GREB1: variants seen among roughly 807,000 people sequenced by gnomAD.
GREB1 encodes protein GREB1.
A neutral mutation model predicts 200.7 loss-of-function variants in GREB1; 106 were observed. The observed-to-expected ratio is 0.53, with a 90% CI of 0.45 to 0.62. The LOEUF is 0.62. Among genes scored for constraint, GREB1 ranks in the 20% least tolerant of loss-of-function variants. The probability of loss-of-function intolerance (pLI) is 0.00; values close to 1 mark genes in which losing one functional copy is unlikely to be tolerated. For synonymous variants in GREB1, 1,132 were observed against 1,092.4 expected, an observed-to-expected ratio of 1.04 and a Z score of -0.72; for missense variants, 2,243 against 2,556.8, an observed-to-expected ratio of 0.88 and a Z score of 2.65.
chr2:11,620,721 G>A (rs1186688380), intron 22 of GREB1, among the ~76,000 whole-genome samples, 184 bp from the exon 23 acceptor site: 1 of 152,190 alleles, frequency 6.6e-6, no homozygotes, highest in Non-Finnish European at 1.5e-5. Flanking sequence ...TATGCTCGTG[G>A]GAGTCCATTT....
chr2:11,512,544 C>T lies in GREB1; in HGVS notation c.-159+30163C>T, dbSNP rs553158295. On this transcript the variant is annotated intron_variant, in intron 1 of 2. Coordinates refer to the GREB1 transcript ENST00000628795. ...TTCCTAAAGCTTTAGAAAAAAATGA[C>T]TTGTGTGTGTTTAGACCAAGGATTG... Among the ~76,000 whole-genome samples the T allele has an allele frequency of 1.8e-3, 269 of 152,270 alleles. 2 individuals carry two copies. The highest frequency in any genetic ancestry group is 2.6e-3 in the Non-Finnish European group (180 of 68,016).
At chr2:11,494,420 G>T (rs2148411311) in intron 1 of GREB1, among the ~76,000 whole-genome samples, 1 of 152,356 alleles carries the variant, frequency 6.6e-6, no homozygotes, top group Middle Eastern at 3.4e-3. Flanking sequence ...CCTGATGGGG[G>T]TGCCCAGTGC....
At position 11,640,371 on chromosome 2, in the gene GREB1, C is replaced by T; in HGVS notation, c.5767C>T (p.Gln1923Ter). Reference sequence around the variant, plus strand: ...CCGCCTGGAGCTCGAGGACGAGTGGCAGTTCCGGCTGCGCGATGAGTTCCA... The same window carrying T: ...CCGCCTGGAGCTCGAGGACGAGTGGTAGTTCCGGCTGCGCGATGAGTTCCA... ...VVRLELEDEW[Q>*]FRLRDEFQTA... Residue 1923 changes from glutamine to a stop codon, truncating the protein, a stop_gained, in exon 33 of 33, where the codon CAG (glutamine) becomes TAG (stop). Transcript: ENST00000381486. LOFTEE classifies it high-confidence loss of function. This position sits in a 1 kb window ranked among gnomAD's most constrained non-coding sequence, Gnocchi z 4.6. 1 of 1,614,206 alleles carries T rather than the reference C, an allele frequency of 6.2e-7. No individual in the cohort carries two copies. Among genetic ancestry groups the T allele is most frequent in the Non-Finnish European group, 8.5e-7 (1 of 1,180,040 alleles).
rs1179536645 is a variant in GREB1 at position 11,492,332 on chromosome 2, G to A, written c.-159+9951G>A. On this transcript the variant is annotated intron_variant, in intron 1 of 2. Transcript: ENST00000628795. The surrounding 1 kb of genome is among the most constrained non-coding windows in gnomAD (Gnocchi z 4.0). Reference sequence around the variant, plus strand: ...TCTTTCTTCTCCAAACCCTCAGTGTGCTCTATCAAGAAATGCTTGTTGGTT... The same window carrying A: ...TCTTTCTTCTCCAAACCCTCAGTGTACTCTATCAAGAAATGCTTGTTGGTT... Among the ~76,000 whole-genome samples the A allele has an allele frequency of 6.6e-6, 1 of 152,186 alleles. No homozygotes were observed. Among genetic ancestry groups the A allele is most frequent in the Non-Finnish European group, 1.5e-5 (1 of 68,034 alleles).
intron 11 of GREB1, among the ~76,000 whole-genome samples, chr2:11,594,651 G>A (rs564847936): frequency 6.6e-6 from 1 of 151,310 alleles, no homozygotes; most frequent in African/African-American, 2.4e-5. Flanking sequence ...CACCGTGCCC[G>A]ACCAGCGTTC....
At chr2:11,604,355 T>G (rs1682060827) in intron 17 of GREB1, among the ~76,000 whole-genome samples, 1 of 152,148 alleles carries the variant, frequency 6.6e-6, no homozygotes, top group South Asian at 2.1e-4. Context: ...AACACCTACA[T>G]CATAGAGGTA....
intron 2 of GREB1, among the ~76,000 whole-genome samples, chr2:11,558,443 C>T (rs1182764289): frequency 6.6e-6 from 1 of 152,200 alleles, no homozygotes; most frequent in Non-Finnish European, 1.5e-5. Context: ...GCCTTCATTC[C>T]TCCGGTGCTG....
rs200572026 is a variant in GREB1, at chr2:11,634,156, G to A, written c.5017G>A (p.Val1673Met). ...SREFSWSERN[V>M]SLKHIMQHIE... ...GGAGTTCTCCTGGTCGGAAAGGAACGTGTCTTTGAAGCACATCATGCAGCA... is the reference window on the plus strand; with the variant it reads ...GGAGTTCTCCTGGTCGGAAAGGAACATGTCTTTGAAGCACATCATGCAGCA... The change falls in exon 29 of 33, where the codon GTG (valine) becomes ATG (methionine). Residue 1673 changes from valine to methionine, a missense_variant. Val to Met is a conservative substitution (Grantham distance 21, BLOSUM62 1). This residue lies in a region of GREB1 where 478 missense variants were observed against 616.3 expected (regional missense o/e 0.78). Transcript: ENST00000381486. 1.2e-5 allele frequency: 20 copies of A among 1,614,110 alleles called. No individual in the cohort carries two copies. The highest frequency in any genetic ancestry group is 1.6e-4 in the Middle Eastern group (1 of 6,084).
intron 1 of GREB1, among the ~76,000 whole-genome samples, chr2:11,501,727 T>G (rs6722279): frequency 0.52 from 79,350 of 151,514 alleles, 21,099 homozygotes; most frequent in East Asian, 0.74. Flanking sequence ...TTTGTATCTT[T>G]TAGGAAGATA....
chr2:11,600,437 C>T (rs1681681621), intron 15 of GREB1, among the ~76,000 whole-genome samples: 2 of 152,152 alleles, frequency 1.3e-5, no homozygotes, highest in Non-Finnish European at 2.9e-5. Flanking sequence ...GTCAGAAGGA[C>T]TGTGTAAGGA....
chr2:11,560,592 T>G (rs1676913279), intron 2 of GREB1, among the ~76,000 whole-genome samples: 1 of 151,954 alleles, frequency 6.6e-6, no homozygotes, highest in South Asian at 2.1e-4. Context: ...TTCCAGCTAC[T>G]TGGGAGGCTG....
intron 23 of GREB1, among the ~76,000 whole-genome samples, chr2:11,622,224 G>A (rs1178791486): frequency 6.6e-6 from 1 of 152,112 alleles, no homozygotes. Context: ...GGATTTATAG[G>A]CATGTGCCAC....
chr2:11,631,459 A>G lies in GREB1; in HGVS notation c.4612-450A>G, dbSNP rs528322315. Among the ~76,000 whole-genome samples the G allele has an allele frequency of 6.6e-5, 10 of 152,338 alleles. No homozygotes were observed. In the South Asian group the frequency reaches 1.9e-3, roughly 28 times the overall value. On this transcript the variant is annotated intron_variant, in intron 26 of 32. Transcript: ENST00000381486. ...TATGCCAGTTAATTTCCGTTGCCTAACTATTCCCAAATAAGCATTAGCTTT... is the reference window on the plus strand; with the variant it reads ...TATGCCAGTTAATTTCCGTTGCCTAGCTATTCCCAAATAAGCATTAGCTTT...
In GREB1 at chr2:11,562,528, C is replaced by A. The variant is rs1367966450; in HGVS notation, c.223C>A (p.Pro75Thr). Residue 75 changes from proline (P) to threonine (T), a missense_variant, in exon 3 of 33, where the codon CCC becomes ACC. Physicochemically the swap from Pro to Thr is conservative, Grantham distance 38. Transcript: ENST00000381486. ...EGEGGLETNG[P>T]PNPFQLHPLP... ...AGAAGGAGGGCTGGAAACAAATGGC[C>A]CCCCAAACCCTTTCCAGCTGCACCC... 2 of 1,604,802 alleles carry A rather than the reference C, an allele frequency of 1.2e-6. No homozygotes were observed. The highest frequency in any genetic ancestry group is 1.4e-5 in the African/African-American group (1 of 73,958).
Position 11,593,141 on chromosome 2 carries a change from G to C in GREB1, c.1696+15G>C. ...CGCCGTCACCGGTGAGCTCTGGGCC[G>C]CGCGGCTGCGGGAAAGCCCCCTGAA... is the stretch of plus-strand genomic sequence containing the variant. On this transcript the variant is annotated intron_variant, in intron 11 of 32. Transcript: ENST00000381486. 6.5e-7 allele frequency: 1 copy of C among 1,532,994 alleles called. No individual in the cohort carries two copies. Among genetic ancestry groups the C allele is most frequent in the Non-Finnish European group, 8.9e-7 (1 of 1,128,876 alleles). The allele number at this position is 1,532,994 out of a possible 1,614,324, so 95.0% of individuals were successfully genotyped here.
At chr2:11,613,859 G>A (rs1683152022) in intron 19 of GREB1, among the ~76,000 whole-genome samples, 1 of 152,108 alleles carries the variant, frequency 6.6e-6, no homozygotes. Flanking sequence ...ACGATCATTT[G>A]CTTGAGGTCA....
At chr2:11,550,696 C>G (rs894897081) in intron 1 of GREB1, among the ~76,000 whole-genome samples, 3 of 152,218 alleles carry the variant, frequency 2.0e-5, no homozygotes, top group Non-Finnish European at 4.4e-5. Context: ...AGGACACTTT[C>G]CAAATCTAGC....
chr2:11,580,992 TG>T lies in GREB1; in HGVS notation c.901+163del. ...GGACCACAGGTGCCTCCTGAGTCCG[TG>T]GGTCTGGGCCCAGGCCCTGGTGCTC... On this transcript the variant is annotated intron_variant, in intron 7 of 32. Coordinates refer to ENST00000381486, the MANE Select transcript of GREB1 (RefSeq NM_014668.4). This position sits in a 1 kb window ranked among gnomAD's most constrained non-coding sequence, Gnocchi z 4.5. 1 of 877,082 alleles carries T rather than the reference TG, an allele frequency of 1.1e-6. No individual in the cohort carries two copies. Among genetic ancestry groups the T allele is most frequent in the East Asian group, 2.6e-5 (1 of 37,932 alleles). 54.3% of individuals were successfully genotyped at this position (877,082 alleles called of 1,614,324 possible). A position where few individuals can be genotyped will look rare whatever the true frequency, so the allele number is the denominator to read the frequency against.
At chr2:11,562,768 AAACAG>A in intron 3 of GREB1, 186 bp downstream of exon 3, 17 of 526,194 alleles carry the variant, frequency 3.2e-5, no homozygotes, top group South Asian at 1.9e-4. Flanking sequence ...TGCCCTCCTG[AAACAG>A]GAGCTCCAGA....
Sources: gnomAD v4.1 joint callset for allele counts (sites outside exome capture counted in the v4.1 genomes callset) on GRCh38, gnomAD v4.1.1 for gene constraint, gnomAD v4.1.1 regional missense constraint, Gnocchi (gnomAD v3.1) non-coding constraint, MANE v1.5 for transcripts, NCBI Gene and HGNC (gene_info 2026-07-23, HGNC 2026-07-21) for gene names.